The following IFIH1 variants were observed in gnomAD, a reference collection of about 807,000 sequenced individuals.
The protein encoded by IFIH1 is interferon-induced helicase C domain-containing protein 1.
Under a neutral mutation model 107.4 loss-of-function variants are expected in IFIH1, and 125 were observed. The ratio of observed to expected loss-of-function variants is 1.16; its 90% CI spans 1.01 to 1.35. IFIH1 has a LOEUF of 1.35. IFIH1 is among the 40% of genes most tolerant of loss of function. The pLI, the probability that IFIH1 is intolerant of heterozygous loss-of-function variation, is 0.00. For missense variants in IFIH1, 1,333 were observed against 1,213.7 expected (o/e 1.10, Z -1.46); for synonymous variants, 458 against 413.2 (o/e 1.11, Z -1.31).
intron 3 of IFIH1, among the ~76,000 whole-genome samples, chr2:162,304,193 C>T (rs1683241158): frequency 6.6e-6 from 1 of 152,198 alleles, no homozygotes; most frequent in Non-Finnish European, 1.5e-5. Flanking sequence ...CAAACAGCAG[C>T]TCAAGCCTAT....
chr2:162,293,812 C>T (rs958255327), intron 3 of IFIH1, 144 bp from the exon 4 acceptor site: 12 of 543,110 alleles, frequency 2.2e-5, no homozygotes, highest in African/African-American at 1.7e-4. Flanking sequence ...AAAAGGTAAG[C>T]GCTTCTGGCA....
chr2:162,293,487 A>G (rs1476446401), intron 4 of IFIH1, 77 bp downstream of exon 4: 1 of 827,502 alleles, frequency 1.2e-6, no homozygotes, highest in African/African-American at 1.7e-5. Context: ...TAGGGAGGGT[A>G]TGAACAGCCC....
At position 162,272,209 on chromosome 2, in the gene IFIH1, G is replaced by C; in HGVS notation, c.2616+17C>G. On this transcript the variant is annotated intron_variant, in intron 13 of 15. Transcript: ENST00000649979. The stretch of plus-strand genomic sequence containing the variant: ...CATTTTTAAATGAAAATCAAATTCA[G>C]AGGTGACCAACAATACCTTATGAGC... 6.2e-7 allele frequency: 1 copy of C among 1,602,570 alleles called. No homozygotes were observed.
intron 1 of IFIH1, among the ~76,000 whole-genome samples, chr2:162,312,381 C>A (rs1683397889): frequency 6.6e-6 from 1 of 151,882 alleles, no homozygotes; most frequent in Non-Finnish European, 1.5e-5. Flanking sequence ...GAAATAGGTA[C>A]CAATATTAAC....
intron 3 of IFIH1, among the ~76,000 whole-genome samples, chr2:162,299,158 A>G (rs1481229883): frequency 6.6e-6 from 1 of 152,194 alleles, no homozygotes; most frequent in Non-Finnish European, 1.5e-5. Context: ...ACAGGTTGCA[A>G]GGATAACAAC....
chr2:162,297,351 T>C (rs968907043), intron 3 of IFIH1, among the ~76,000 whole-genome samples: 2 of 152,194 alleles, frequency 1.3e-5, no homozygotes, highest in African/African-American at 4.8e-5. Context: ...TATGATTTTA[T>C]AAGTAGATCG....
At position 162,277,918 on chromosome 2, in the gene IFIH1, C is replaced by T. The variant is rs34977319; in HGVS notation, c.1766-225G>A. 0.058 allele frequency among the ~76,000 whole-genome samples: 8,763 copies of T among 152,122 alleles called. 345 individuals carry two copies. Among genetic ancestry groups the T allele is most frequent in the Non-Finnish European group, 0.083 (5,665 of 68,006 alleles). On this transcript the variant is annotated intron_variant, in intron 9 of 15. Coordinates refer to ENST00000649979, the MANE Select transcript of IFIH1 (RefSeq NM_022168.4). The stretch of plus-strand genomic sequence containing the variant: ...CCTCAGCAAAAACATGTAGCTGATG[C>T]ACAGAGAAATGGCATGAAAATATAT...
intron 11 of IFIH1, among the ~76,000 whole-genome samples, chr2:162,275,056 C>T (rs1691125959): frequency 6.6e-6 from 1 of 152,150 alleles, no homozygotes; most frequent in Non-Finnish European, 1.5e-5. Flanking sequence ...ATGCCTGTGT[C>T]TTAATTTGAA....
rs773197026 is a variant in IFIH1 at position 162,281,519 on chromosome 2, AT to A, written c.1332del (p.Glu444AspfsTer15). 1.2e-6 allele frequency: 2 copies of A among 1,610,566 alleles called. No individual in the cohort carries two copies. Among genetic ancestry groups the A allele is most frequent in the South Asian group, 1.1e-5 (1 of 90,942 alleles). ...ACTGCTTCTTTGTTGGTGTGATGAC[AT>A]TCATCAATGATAATGAGGGAAAAGT... ...LSDFSLIIID[E>X]CHHTNKEAVY... On this transcript the variant is annotated frameshift_variant, in exon 7 of 16. Coordinates refer to ENST00000649979, the MANE Select transcript of IFIH1 (RefSeq NM_022168.4). LOFTEE classifies it high-confidence loss of function.
chr2:162,295,886 A>C (rs1417634942), intron 3 of IFIH1, among the ~76,000 whole-genome samples: 1 of 152,010 alleles, frequency 6.6e-6, no homozygotes, highest in African/African-American at 2.4e-5. Flanking sequence ...GATGGGGAAA[A>C]TGTCATTGCA....
intron 1 of IFIH1, among the ~76,000 whole-genome samples, chr2:162,313,766 C>T (rs1385140762): frequency 2.0e-5 from 3 of 152,016 alleles, no homozygotes; most frequent in Admixed American, 2.0e-4. Flanking sequence ...AAGTTAATGT[C>T]TTAACCCAAT....
intron 11 of IFIH1, among the ~76,000 whole-genome samples, chr2:162,274,994 G>T (rs10188109): frequency 0.15 from 22,688 of 152,038 alleles, 4,048 homozygotes; most frequent in African/African-American, 0.4. Context: ...TTCTCCCTCC[G>T]GCCCTCACAT....
chr2:162,302,276 G>A (rs1236458299), intron 3 of IFIH1, among the ~76,000 whole-genome samples: 2 of 151,920 alleles, frequency 1.3e-5, no homozygotes, highest in Admixed American at 6.6e-5. Context: ...ATATTTGCAT[G>A]CACTAAGACT....
intron 1 of IFIH1, 24 bp from the exon 2 acceptor site, chr2:162,310,957 T>G: frequency 2.5e-6 from 4 of 1,589,732 alleles, no homozygotes; most frequent in Non-Finnish European, 3.4e-6. Context: ...AAATTAGAAT[T>G]AAGTAAGATC....
intron 2 of IFIH1, among the ~76,000 whole-genome samples, chr2:162,309,758 C>T (rs1458305378): frequency 1.3e-5 from 2 of 152,068 alleles, no homozygotes; most frequent in Admixed American, 1.3e-4. Flanking sequence ...TTCCTTTTTG[C>T]ATAACAACTC....
chr2:162,317,749 G>T (rs1457772099), intron 1 of IFIH1, 106 bp downstream of exon 1: 3 of 864,068 alleles, frequency 3.5e-6, no homozygotes, highest in Non-Finnish European at 5.4e-6. Flanking sequence ...GAAGAAACTA[G>T]ATTTGCCCAA....
intron 1 of IFIH1, among the ~76,000 whole-genome samples, chr2:162,313,410 T>C (rs922811278): frequency 2.0e-5 from 3 of 152,222 alleles, no homozygotes; most frequent in African/African-American, 7.2e-5. Flanking sequence ...ATGTTTTCAC[T>C]ATGTAGTCTA....
At chr2:162,282,101 T>C (rs1682819929) in intron 6 of IFIH1, among the ~76,000 whole-genome samples, 1 of 151,954 alleles carries the variant, frequency 6.6e-6, no homozygotes. Flanking sequence ...TCTAACAACA[T>C]TCAATAGCAA....
chr2:162,304,992 G>T (rs552639092), intron 3 of IFIH1, among the ~76,000 whole-genome samples: 1 of 152,136 alleles, frequency 6.6e-6, no homozygotes, highest in African/African-American at 2.4e-5. Context: ...TACAAAGAGA[G>T]CTATCGAGGC....
Sources: gnomAD v4.1 joint callset for allele counts (sites outside exome capture counted in the v4.1 genomes callset) on GRCh38, gnomAD v4.1.1 for gene constraint, MANE v1.5 for transcripts, NCBI Gene and HGNC (gene_info 2026-07-23, HGNC 2026-07-21) for gene names.